CACNB4: variants seen among roughly 807,000 people sequenced by gnomAD.
The protein encoded by CACNB4 is calcium voltage-gated channel auxiliary subunit beta 4.
A neutral mutation model predicts 71.2 loss-of-function variants in CACNB4; 32 were observed. The ratio of observed to expected loss-of-function variants is 0.45; its 90% CI spans 0.34 to 0.60. CACNB4 has a LOEUF of 0.60. Ranked by LOEUF, CACNB4 falls within the 20% of genes least tolerant of loss-of-function variation. The probability of loss-of-function intolerance (pLI) is 0.01; values close to 1 mark genes in which losing one functional copy is unlikely to be tolerated. For synonymous variants in CACNB4, 231 were observed against 236.9 expected (o/e 0.97, Z 0.23); for missense variants, 464 against 647.9 (o/e 0.72, Z 3.08).
At chr2:152,064,636 G>T (rs1016348216) in intron 2 of CACNB4, among the ~76,000 whole-genome samples, 25 of 152,164 alleles carry the variant, frequency 1.6e-4, no homozygotes, top group African/African-American at 5.8e-4. Flanking sequence ...GCCCACCTTG[G>T]CCTCCCAAAG....
In CACNB4 at chr2:151,855,374, C is replaced by A. The variant is rs760342290; in HGVS notation, c.870G>T (p.Ala290=). ...TTCTTTCAATTTCACTTTGTACTTC[C>A]GCTTAAAGGAAAAATAATAAATAGA... is the stretch of plus-strand genomic sequence containing the variant. ...IERSNTRSSL[A]EVQSEIERIF... The change falls in exon 11 of 14, where the codon GCG becomes GCT. Residue 290 remains alanine (A), a splice_region_variant and synonymous_variant. Coordinates refer to ENST00000539935, the MANE Select transcript of CACNB4 (RefSeq NM_000726.5). The A allele has an allele frequency of 1.3e-6, 2 of 1,575,798 alleles. No individual in the cohort carries two copies. The highest frequency in any genetic ancestry group is 3.4e-5 in the Admixed American group (2 of 59,250).
intron 2 of CACNB4, among the ~76,000 whole-genome samples, chr2:152,091,989 T>C (rs1687997870): frequency 6.6e-6 from 1 of 152,222 alleles, no homozygotes; most frequent in Non-Finnish European, 1.5e-5. Flanking sequence ...AGGAATAAGC[T>C]CCATATGTCC....
At chr2:151,996,053 T>C in intron 2 of CACNB4, among the ~76,000 whole-genome samples, 1 of 152,234 alleles carries the variant, frequency 6.6e-6, no homozygotes, top group East Asian at 1.9e-4. Context: ...ATTTTTCCTA[T>C]ATAAGTCTAC....
intron 2 of CACNB4, among the ~76,000 whole-genome samples, chr2:151,950,461 G>C (rs951255036): frequency 1.3e-5 from 2 of 152,158 alleles, no homozygotes; most frequent in African/African-American, 2.4e-5. Context: ...CCAGCCACTT[G>C]ACTCCTAGGT....
intron 2 of CACNB4, among the ~76,000 whole-genome samples, chr2:152,070,425 A>T (rs540223424): frequency 5.4e-4 from 82 of 152,274 alleles, no homozygotes; most frequent in Admixed American, 1.8e-3. Context: ...CATATCAAAG[A>T]TACTAGAACC....
chr2:152,004,367 C>T (rs1304088741), intron 2 of CACNB4, among the ~76,000 whole-genome samples: 1 of 152,130 alleles, frequency 6.6e-6, no homozygotes, highest in African/African-American at 2.4e-5. Flanking sequence ...CCCATTCCTG[C>T]CCTTCTGTGC....
At chr2:151,937,219 G>A (rs1034413503) in intron 2 of CACNB4, among the ~76,000 whole-genome samples, 2 of 152,114 alleles carry the variant, frequency 1.3e-5, no homozygotes, top group Non-Finnish European at 2.9e-5. Flanking sequence ...ATAACTATAT[G>A]CCAGGAAGGC....
chr2:152,088,308 A>AG (rs1481102446), intron 2 of CACNB4, among the ~76,000 whole-genome samples: 2 of 152,194 alleles, frequency 1.3e-5, no homozygotes, highest in Non-Finnish European at 2.9e-5. Flanking sequence ...CCATTTAAGA[A>AG]GAAAAAAAAG....
At chr2:151,890,919 C>A (rs761088968) in intron 2 of CACNB4, among the ~76,000 whole-genome samples, 11 of 152,136 alleles carry the variant, frequency 7.2e-5, no homozygotes, top group Non-Finnish European at 1.5e-4. Flanking sequence ...TAAGGTAGCA[C>A]TGAGAGTTTT....
At chr2:152,048,506 T>G (rs532124285) in intron 2 of CACNB4, 1 of 152,140 alleles carries the variant, frequency 6.6e-6, no homozygotes, top group Non-Finnish European at 1.5e-5. Context: ...AGGGAGAGAA[T>G]AAAAAGTACC....
chr2:151,915,558 C>T (rs560608541), intron 2 of CACNB4, among the ~76,000 whole-genome samples: 1 of 152,148 alleles, frequency 6.6e-6, no homozygotes, highest in Non-Finnish European at 1.5e-5. Flanking sequence ...AGAATGTGCT[C>T]GTGGCCAGGC....
chr2:152,011,959 G>A (rs1472562711), intron 2 of CACNB4, among the ~76,000 whole-genome samples: 2 of 152,110 alleles, frequency 1.3e-5, no homozygotes, highest in Non-Finnish European at 2.9e-5. Context: ...AACCTACTGT[G>A]CTGTCAGTCA....
intron 2 of CACNB4, among the ~76,000 whole-genome samples, chr2:151,914,454 C>A (rs1246159808): frequency 6.6e-6 from 1 of 152,192 alleles, no homozygotes; most frequent in African/African-American, 2.4e-5. Context: ...TACCCATCTT[C>A]TGAAGCCTAC....
chr2:151,966,976 T>C (rs1276636074), intron 2 of CACNB4: 7 of 150,710 alleles, frequency 4.6e-5, no homozygotes, highest in Non-Finnish European at 8.8e-5. Context: ...AATATGCCCA[T>C]GGCCACAAAG....
intron 2 of CACNB4, among the ~76,000 whole-genome samples, chr2:152,065,607 T>C (rs1467670425): frequency 6.6e-6 from 1 of 152,216 alleles, no homozygotes; most frequent in African/African-American, 2.4e-5. Context: ...GGCTATAGTG[T>C]TTAACTTTCC....
chr2:151,877,421 T>A (rs1019196684), intron 4 of CACNB4, among the ~76,000 whole-genome samples: 3 of 152,190 alleles, frequency 2.0e-5, no homozygotes, highest in African/African-American at 4.8e-5. Flanking sequence ...ACCTTTGGAT[T>A]CTTTTGGTCT....
chr2:152,039,983 T>C (rs1684790474), intron 2 of CACNB4, among the ~76,000 whole-genome samples: 1 of 152,268 alleles, frequency 6.6e-6, no homozygotes, highest in South Asian at 2.1e-4. Flanking sequence ...CTTAAGGCAA[T>C]GAGTATACTT....
chr2:152,092,706 G>C (rs1166908647), intron 2 of CACNB4, among the ~76,000 whole-genome samples: 1 of 151,442 alleles, frequency 6.6e-6, no homozygotes, highest in African/African-American at 2.4e-5. Context: ...TTCTTTAATG[G>C]CTGAATAGTA....
chr2:151,888,648 A>G (rs190773026), intron 2 of CACNB4, among the ~76,000 whole-genome samples: 64 of 152,336 alleles, frequency 4.2e-4, no homozygotes, highest in Non-Finnish European at 7.5e-4. Context: ...TCCTAGTCCA[A>G]CAATCCCAGT....
Sources: gnomAD v4.1 joint callset for allele counts (sites outside exome capture counted in the v4.1 genomes callset) on GRCh38, gnomAD v4.1.1 for gene constraint, MANE v1.5 for transcripts, NCBI Gene and HGNC (gene_info 2026-07-23, HGNC 2026-07-21) for gene names.